The following POFUT3 variants were observed in gnomAD, a reference collection of about 807,000 sequenced individuals.
POFUT3 encodes protein O-fucosyltransferase 3.
At chr8:33,370,501 A>G in the POFUT3 span, among the ~76,000 whole-genome samples, 1 of 152,362 alleles carries the variant, frequency 6.6e-6, no homozygotes, top group Middle Eastern at 3.4e-3. Context: ...ATATTTCACA[A>G]AAGGAGACAG....
At chr8:33,388,877 T>C in the POFUT3 span, 43 of 1,033,048 alleles carry the variant, frequency 4.2e-5, no homozygotes, top group Middle Eastern at 6.3e-4. Flanking sequence ...ACTGATGAGG[T>C]GGCAACAACA....
chr8:33,453,651 C>T, the POFUT3 span: 10 of 771,196 alleles, frequency 1.3e-5, no homozygotes, highest in Admixed American at 2.6e-5. Context: ...TTTAAAATAA[C>T]ACAAATTTAA....
chr8:33,455,898 A>AAAAAG, the POFUT3 span: 4 of 375,426 alleles, frequency 1.1e-5, no homozygotes, highest in Non-Finnish European at 1.5e-5. Flanking sequence ...TCCAAGGCCA[A>AAAAAG]AAAAGAAAAA....
At chr8:33,318,199 T>G in the POFUT3 span, among the ~76,000 whole-genome samples, 1 of 151,908 alleles carries the variant, frequency 6.6e-6, no homozygotes, top group South Asian at 2.1e-4. Flanking sequence ...TAGGCTTATT[T>G]TATTTCCTGC....
At chr8:33,371,153 A>C in the POFUT3 span, 2 of 152,202 alleles carry the variant, frequency 1.3e-5, no homozygotes, top group African/African-American at 4.8e-5. Flanking sequence ...GCAAAAACTA[A>C]GGCCGATGGA....
the POFUT3 span, among the ~76,000 whole-genome samples, chr8:33,445,861 G>T: frequency 9.9e-5 from 15 of 152,094 alleles, no homozygotes; most frequent in African/African-American, 3.4e-4. Context: ...AACAAGTCCA[G>T]CAAGGAAATT....
the POFUT3 span, among the ~76,000 whole-genome samples, chr8:33,319,811 T>C: frequency 2.2e-5 from 3 of 135,762 alleles, no homozygotes; most frequent in African/African-American, 8.4e-5. Context: ...ATGCTGACAC[T>C]GGTTGAAGAG....
chr8:33,459,074 T>G, the POFUT3 span, among the ~76,000 whole-genome samples: 1 of 152,176 alleles, frequency 6.6e-6, no homozygotes, highest in African/African-American at 2.4e-5. Flanking sequence ...GCGTGGTGAC[T>G]CATGCCTGTA....
At chr8:33,414,550 C>A in the POFUT3 span, among the ~76,000 whole-genome samples, 36,545 of 152,028 alleles carry the variant, frequency 0.24, 5,157 homozygotes, top group South Asian at 0.44. Context: ...ATCTATGGGA[C>A]TCCCTTGTCT....
At chr8:33,361,368 C>T in the POFUT3 span, 2 of 152,202 alleles carry the variant, frequency 1.3e-5, no homozygotes, top group African/African-American at 4.8e-5. Flanking sequence ...TGCCAGCTCA[C>T]TTCAAATGTG....
At chr8:33,461,804 A>G in the POFUT3 span, 1 of 497,248 alleles carries the variant, frequency 2.0e-6, no homozygotes, top group Non-Finnish European at 3.3e-6. Flanking sequence ...ATGAAAAAAC[A>G]TAGACATTTT....
the POFUT3 span, among the ~76,000 whole-genome samples, chr8:33,466,914 G>A: frequency 2.6e-5 from 4 of 152,228 alleles, no homozygotes; most frequent in South Asian, 2.1e-4. Context: ...AGACCAGCCC[G>A]ACCAATATGG....
the POFUT3 span, among the ~76,000 whole-genome samples, chr8:33,344,643 C>T: frequency 6.6e-6 from 1 of 152,192 alleles, no homozygotes; most frequent in Non-Finnish European, 1.5e-5. Flanking sequence ...GATCTTCTTC[C>T]TTCACTTGCT....
the POFUT3 span, among the ~76,000 whole-genome samples, chr8:33,362,464 C>T: frequency 2.7e-4 from 41 of 152,246 alleles, no homozygotes; most frequent in African/African-American, 9.6e-4. Flanking sequence ...CATTAAAAGA[C>T]ACAGACTGGC....
chr8:33,417,544 G>C, the POFUT3 span, among the ~76,000 whole-genome samples: 1 of 151,870 alleles, frequency 6.6e-6, no homozygotes, highest in Non-Finnish European at 1.5e-5. Flanking sequence ...TGGGAACTGG[G>C]AAACAGGGAC....
the POFUT3 span, among the ~76,000 whole-genome samples, chr8:33,443,245 C>A: frequency 6.6e-6 from 1 of 152,172 alleles, no homozygotes; most frequent in African/African-American, 2.4e-5. Flanking sequence ...GCGTAACTAT[C>A]TCCTGAGACG....
At chr8:33,437,394 A>G in the POFUT3 span, among the ~76,000 whole-genome samples, 14 of 152,246 alleles carry the variant, frequency 9.2e-5, no homozygotes, top group African/African-American at 2.9e-4. Context: ...CAAATTAAAA[A>G]AAAAAAAAAA....
the POFUT3 span, among the ~76,000 whole-genome samples, chr8:33,381,328 A>AGAAG: frequency 6.6e-6 from 1 of 152,152 alleles, no homozygotes; most frequent in Non-Finnish European, 1.5e-5. Flanking sequence ...CTTTTTTCCT[A>AGAAG]GAAGCCTTCC....
the POFUT3 span, among the ~76,000 whole-genome samples, chr8:33,406,598 A>C: frequency 6.6e-6 from 1 of 151,740 alleles, no homozygotes; most frequent in Admixed American, 6.6e-5. Flanking sequence ...CGCCTGGCTA[A>C]TTTTTAATTT....
Sources: allele counts gnomAD v4.1 joint callset (sites outside exome capture counted in the v4.1 genomes callset), GRCh38; gene constraint gnomAD v4.1.1; transcripts MANE v1.5; gene names NCBI Gene and HGNC (gene_info 2026-07-23, HGNC 2026-07-21).